The following RBM20 variants were observed in gnomAD, a reference collection of about 807,000 sequenced individuals.
RBM20 encodes the protein RNA binding motif protein 20.
A neutral mutation model predicts 110.1 loss-of-function variants in RBM20; 51 were observed. That is an observed-to-expected ratio of 0.46 (90% confidence interval 0.37 to 0.59). RBM20 has a LOEUF of 0.59. Ranked by LOEUF, RBM20 falls within the 20% of genes least tolerant of loss-of-function variation. The probability of loss-of-function intolerance (pLI) is 0.00; values close to 1 mark genes in which losing one functional copy is unlikely to be tolerated. For missense variants in RBM20, 1,512 were observed against 1,574.9 expected (o/e 0.96, Z 0.68); for synonymous variants, 589 against 618.2 (o/e 0.95, Z 0.70).
rs12413074 is a variant in RBM20 at position 110,683,852 on chromosome 10, T to C, written c.191+39207T>C. On this transcript the variant is annotated intron_variant, in intron 1 of 13. Transcript: ENST00000369519. ...AGATTAGTGAAATGATTGATGAATGTGGCTTTTATGTTTTTGTGGGTTCTT... is the reference window on the plus strand; with the variant it reads ...AGATTAGTGAAATGATTGATGAATGCGGCTTTTATGTTTTTGTGGGTTCTT... Among the ~76,000 whole-genome samples the C allele has an allele frequency of 8.8e-3, 1,345 of 152,350 alleles. 54 individuals carry two copies. The highest frequency in any genetic ancestry group is 0.071 in the Admixed American group (1,092 of 15,296).
chr10:110,809,237 A>G (rs1017302909), intron 7 of RBM20, among the ~76,000 whole-genome samples: 2 of 149,004 alleles, frequency 1.3e-5, no homozygotes, highest in African/African-American at 2.4e-5. Flanking sequence ...AAAAAATTGC[A>G]TGATTCTTTG....
In RBM20 at chr10:110,821,312, A is replaced by G. The variant is rs1313871510; in HGVS notation, c.2693A>G (p.Glu898Gly). 1.3e-6 allele frequency: 2 copies of G among 1,551,592 alleles called. No individual in the cohort carries two copies. Among genetic ancestry groups the G allele is most frequent in the Non-Finnish European group, 1.7e-6 (2 of 1,146,872 alleles). The change falls in exon 11 of 14, where the codon GAG becomes GGG. Residue 898 changes from glutamate (E) to glycine (G), a missense_variant. Around this residue, in one of 3 missense-constraint regions of RBM20, gnomAD observed 1,149 missense variants for 1,169.4 expected, o/e 0.98. Coordinates refer to ENST00000369519, the MANE Select transcript of RBM20 (RefSeq NM_001134363.3). ...DWESESEAEG[E>G]SWYPTNMEEL... ...GAGAGTGAAAGTGAGGCAGAGGGGG[A>G]GAGCTGGTATCCCACTAACATGGAG...
intron 1 of RBM20, among the ~76,000 whole-genome samples, chr10:110,765,634 A>C (rs1844069888): frequency 6.6e-6 from 1 of 152,114 alleles, no homozygotes. Flanking sequence ...GACTCACCTC[A>C]TTTCTCTATC....
chr10:110,742,835 G>A (rs763546087), intron 1 of RBM20, among the ~76,000 whole-genome samples: 90 of 152,242 alleles, frequency 5.9e-4, no homozygotes, highest in Non-Finnish European at 1.8e-4. Context: ...GGGTTCTTGA[G>A]TAGAGGGCTG....
intron 12 of RBM20, 112 bp downstream of exon 12, chr10:110,823,726 T>A: frequency 8.3e-7 from 1 of 1,203,616 alleles, no homozygotes; most frequent in Non-Finnish European, 1.2e-6. Flanking sequence ...ACATCGTTTT[T>A]TGTTCTTTTG....
intron 1 of RBM20, among the ~76,000 whole-genome samples, chr10:110,748,201 G>A (rs2134980678): frequency 6.6e-6 from 1 of 152,296 alleles, no homozygotes; most frequent in South Asian, 2.1e-4. Flanking sequence ...TGAATCAGTG[G>A]CAAAAGGAGA....
Position 110,835,917 on chromosome 10 carries a change from C to T in RBM20, c.3623C>T (p.Ala1208Val), listed in dbSNP as rs397516618. 2.3e-5 allele frequency: 35 copies of T among 1,528,910 alleles called. No individual in the cohort carries two copies. Among genetic ancestry groups the T allele is most frequent in the Admixed American group, 5.9e-5 (3 of 50,794 alleles). The allele number at this position is 1,528,910 out of a possible 1,614,324, so 94.7% of individuals were successfully genotyped here. Residue 1208 changes from alanine to valine, a missense_variant, in exon 14 of 14, where the codon GCA (alanine) becomes GTA (valine). Coordinates refer to ENST00000369519, the MANE Select transcript of RBM20 (RefSeq NM_001134363.3). Reference protein sequence around the residue: ...AEEGLKETEGADSPRPEDSGI... With the variant: ...AEEGLKETEGVDSPRPEDSGI... ...GAGGGCCTCAAGGAGACCGAGGGGG[C>T]AGATAGCCCGAGGCCAGAGGACAGC...
intron 5 of RBM20, among the ~76,000 whole-genome samples, chr10:110,789,484 G>A (rs760548302): frequency 6.6e-6 from 1 of 150,974 alleles, no homozygotes; most frequent in Non-Finnish European, 1.5e-5. Context: ...TCGAGACAGG[G>A]TCTCGCTGTG....
At chr10:110,825,320 G>A (rs1333164891) in intron 12 of RBM20, among the ~76,000 whole-genome samples, 1 of 152,138 alleles carries the variant, frequency 6.6e-6, no homozygotes, top group South Asian at 2.1e-4. Flanking sequence ...CAAGAACTTG[G>A]AACCTAATTG....
rs149645263 is a variant in RBM20, at chr10:110,780,465, A to T, written c.192-336A>T. On this transcript the variant is annotated intron_variant, in intron 1 of 13. Coordinates refer to ENST00000369519, the MANE Select transcript of RBM20 (RefSeq NM_001134363.3). ...AACAAAGCTGTATGCGTTGATTATCATTGACATTGTGCCTATTCTACTCTC... is the reference window on the plus strand; with the variant it reads ...AACAAAGCTGTATGCGTTGATTATCTTTGACATTGTGCCTATTCTACTCTC... 5.1e-3 allele frequency among the ~76,000 whole-genome samples: 773 copies of T among 152,310 alleles called. 6 individuals are homozygous for T. The highest frequency in any genetic ancestry group is 8.7e-3 in the Non-Finnish European group (592 of 68,034).
At chr10:110,822,663 C>T (rs1844930028) in intron 11 of RBM20, among the ~76,000 whole-genome samples, 1 of 152,204 alleles carries the variant, frequency 6.6e-6, no homozygotes, top group Non-Finnish European at 1.5e-5. Context: ...TTACAGAAAG[C>T]CTGTAGCACA....
chr10:110,811,344 T>A (rs1473832434), intron 8 of RBM20, among the ~76,000 whole-genome samples: 1 of 152,270 alleles, frequency 6.6e-6, no homozygotes, highest in African/African-American at 2.4e-5. Context: ...ATCGGATATA[T>A]GACTCAGTTG....
intron 5 of RBM20, among the ~76,000 whole-genome samples, chr10:110,790,565 A>G (rs1844471342): frequency 6.6e-6 from 1 of 152,248 alleles, no homozygotes; most frequent in Non-Finnish European, 1.5e-5. Context: ...TGTTATAAGT[A>G]TATATCTCTC....
chr10:110,789,464 T>G (rs1451027173), intron 5 of RBM20, among the ~76,000 whole-genome samples: 1 of 152,034 alleles, frequency 6.6e-6, no homozygotes, highest in East Asian at 1.9e-4. Flanking sequence ...GTTATTTATT[T>G]ATTTATTTAT....
At chr10:110,820,273 T>C (rs1844891472) in intron 10 of RBM20, 97 bp downstream of exon 10, 1 of 759,698 alleles carries the variant, frequency 1.3e-6, no homozygotes, top group South Asian at 1.7e-5. Flanking sequence ...GGAATATGGC[T>C]GAGACCCCAC....
At chr10:110,732,412 G>A (rs925826833) in intron 1 of RBM20, among the ~76,000 whole-genome samples, 4 of 152,054 alleles carry the variant, frequency 2.6e-5, no homozygotes, top group African/African-American at 7.3e-5. Context: ...AGGATTTAGG[G>A]GAAATGTTTC....
At chr10:110,730,824 C>T (rs959898290) in intron 1 of RBM20, among the ~76,000 whole-genome samples, 7 of 152,204 alleles carry the variant, frequency 4.6e-5, no homozygotes, top group Non-Finnish European at 1.0e-4. Flanking sequence ...TGGGAGAGGC[C>T]GGCAGGCAGG....
chr10:110,666,018 G>GAA (rs1195192167), intron 1 of RBM20, among the ~76,000 whole-genome samples: 15 of 95,670 alleles, frequency 1.6e-4, no homozygotes, highest in African/African-American at 5.0e-4. Context: ...AGAGAGAGAG[G>GAA]GGAAGGAAGG....
chr10:110,783,701 T>C (rs1298669517), intron 3 of RBM20, among the ~76,000 whole-genome samples: 2 of 152,328 alleles, frequency 1.3e-5, no homozygotes, highest in Admixed American at 1.3e-4. Flanking sequence ...GTGCCTCCCT[T>C]TTCTGGCTTT....
Sources: gnomAD v4.1 joint callset for allele counts (sites outside exome capture counted in the v4.1 genomes callset) on GRCh38, gnomAD v4.1.1 for gene constraint, gnomAD v4.1.1 regional missense constraint, MANE v1.5 for transcripts, NCBI Gene and HGNC (gene_info 2026-07-23, HGNC 2026-07-21) for gene names.